Variants in POU6F2 observed in about 807,000 individuals in gnomAD.
POU6F2 encodes the protein POU domain, class 6, transcription factor 2.
Under a neutral mutation model 71.3 loss-of-function variants are expected in POU6F2, and 31 were observed. The observed-to-expected ratio is 0.43, with a 90% CI of 0.33 to 0.59. The LOEUF (loss-of-function observed/expected upper bound fraction) is 0.59, where lower values mean the gene tolerates loss of function less well. Ranked by LOEUF, POU6F2 falls within the 20% of genes least tolerant of loss-of-function variation. The probability of loss-of-function intolerance (pLI) is 0.04; values close to 1 mark genes in which losing one functional copy is unlikely to be tolerated. For missense variants in POU6F2, 783 were observed against 856.8 expected (o/e 0.91, Z 1.07); for synonymous variants, 347 against 355.7 (o/e 0.98, Z 0.27).
intron 4 of POU6F2, among the ~76,000 whole-genome samples, chr7:39,234,548 A>T (rs947758446): frequency 3.3e-5 from 5 of 151,966 alleles, no homozygotes; most frequent in African/African-American, 1.2e-4. Context: ...TATCTCTGGG[A>T]AGGAGACAAA....
rs531655422 is a variant in POU6F2 at position 39,278,278 on chromosome 7, G to A, written c.599-61364G>A. Among the ~76,000 whole-genome samples, 3 of 152,086 alleles carry A rather than the reference G, an allele frequency of 2.0e-5. No individual in the cohort carries two copies. In the East Asian group the frequency reaches 5.8e-4, roughly 29 times the overall value. On this transcript the variant is annotated intron_variant, in intron 4 of 9. Coordinates refer to ENST00000518318, the MANE Select transcript of POU6F2 (RefSeq NM_001370959.1). ...TTGGCATCACTGTGATCAGAAACTG[G>A]AAGTAAGCTCTTTCCATAGATCCAG...
chr7:39,046,392 G>A (rs1256835980), intron 1 of POU6F2, among the ~76,000 whole-genome samples: 1 of 151,898 alleles, frequency 6.6e-6, no homozygotes, highest in Non-Finnish European at 1.5e-5. Flanking sequence ...CCCCCAGTCT[G>A]TGGCTTGTCT....
Position 39,426,422 on chromosome 7 carries a change from G to A in POU6F2, c.1114-6655G>A, listed in dbSNP as rs140431836. Among the ~76,000 whole-genome samples, 362 of 152,276 alleles carry A rather than the reference G, an allele frequency of 2.4e-3. 4 individuals carry two copies. Among genetic ancestry groups the A allele is most frequent in the African/African-American group, 7.9e-3 (327 of 41,544 alleles). ...TGTCCCAGTGGCCATTCCCCAAGGG[G>A]TCCTCTGGGACAGGATTTTAAATCA... On this transcript the variant is annotated intron_variant, in intron 6 of 9. Transcript: ENST00000518318.
At chr7:39,134,693 T>C (rs560636808) in intron 2 of POU6F2, among the ~76,000 whole-genome samples, 1 of 152,294 alleles carries the variant, frequency 6.6e-6, no homozygotes, top group South Asian at 2.1e-4. Context: ...CCAATCTGTG[T>C]GCAAGCTCCA....
chr7:39,407,960 G>C (rs1253158837), intron 6 of POU6F2, among the ~76,000 whole-genome samples: 1 of 152,204 alleles, frequency 6.6e-6, no homozygotes, highest in African/African-American at 2.4e-5. Context: ...TATGAACACT[G>C]TGCCCTCTAC....
intron 1 of POU6F2, among the ~76,000 whole-genome samples, chr7:39,026,768 T>C (rs560129050): frequency 8.5e-4 from 130 of 152,054 alleles, no homozygotes; most frequent in South Asian, 1.0e-3. Context: ...AAAAAAACCT[T>C]TGCATTATCA....
chr7:39,404,490 T>C (rs1361321279), intron 5 of POU6F2: 1 of 152,246 alleles, frequency 6.6e-6, no homozygotes, highest in Admixed American at 6.5e-5. Flanking sequence ...AATAATTGTC[T>C]ATCTTTTTCA....
chr7:39,282,982 G>A (rs933974924), intron 4 of POU6F2, among the ~76,000 whole-genome samples: 2 of 151,930 alleles, frequency 1.3e-5, no homozygotes, highest in African/African-American at 2.4e-5. Context: ...AGCTTTCATT[G>A]TAGAGATCTT....
chr7:39,275,043 C>T (rs1017738685), intron 4 of POU6F2, among the ~76,000 whole-genome samples: 2 of 151,340 alleles, frequency 1.3e-5, no homozygotes, highest in African/African-American at 2.4e-5. Flanking sequence ...GTTGGAAGTT[C>T]TGGCCAGGGC....
chr7:39,120,754 G>A (rs1223574145), intron 2 of POU6F2: 2 of 152,170 alleles, frequency 1.3e-5, no homozygotes, highest in East Asian at 3.8e-4. Flanking sequence ...TTGAGTAGTT[G>A]TGGCTGTAAT....
At chr7:39,361,735 A>T (rs1786393396) in intron 5 of POU6F2, among the ~76,000 whole-genome samples, 1 of 152,232 alleles carries the variant, frequency 6.6e-6, no homozygotes. Context: ...GCCAGGAAAC[A>T]ACATTAAAAG....
rs566511651 is a variant in POU6F2 at position 39,258,744 on chromosome 7, C to T, written c.598+51124C>T. On this transcript the variant is annotated intron_variant, in intron 4 of 9. Transcript: ENST00000518318. ...AAGAAGAAGAAGGTGGTAGGGGCAC[C>T]GCAGAATCTGTGATATTGTAAAGTG... 1.1e-4 allele frequency among the ~76,000 whole-genome samples: 16 copies of T among 151,436 alleles called. No individual in the cohort carries two copies. In the East Asian group the frequency reaches 2.9e-3, roughly 28 times the overall value.
At chr7:39,386,117 C>CAA (rs531818996) in intron 5 of POU6F2, among the ~76,000 whole-genome samples, 1,837 of 91,248 alleles carry the variant, frequency 0.02, 51 homozygotes, top group East Asian at 0.11. Context: ...GACTCCGTCT[C>CAA]AAAAAAAAAA....
intron 7 of POU6F2, among the ~76,000 whole-genome samples, chr7:39,446,006 G>A (rs1263443497): frequency 6.6e-6 from 1 of 152,200 alleles, no homozygotes; most frequent in Non-Finnish European, 1.5e-5. Context: ...GAAAGTCAGG[G>A]TAGAGCCCAG....
chr7:39,258,929 TCTC>T (rs1784080126), intron 4 of POU6F2, among the ~76,000 whole-genome samples: 1 of 152,174 alleles, frequency 6.6e-6, no homozygotes, highest in Non-Finnish European at 1.5e-5. Context: ...ATATTACACT[TCTC>T]CCAGTATAAC....
chr7:39,261,316 C>T (rs1784136276), intron 4 of POU6F2, among the ~76,000 whole-genome samples: 1 of 152,228 alleles, frequency 6.6e-6, no homozygotes, highest in Non-Finnish European at 1.5e-5. Context: ...CTTCCTCCAT[C>T]ACATCTTCTC....
At chr7:39,161,368 A>G (rs535027536) in intron 2 of POU6F2, among the ~76,000 whole-genome samples, 1 of 152,326 alleles carries the variant, frequency 6.6e-6, no homozygotes, top group East Asian at 1.9e-4. Context: ...CCTGAAGTAT[A>G]TTTCTTTGTT....
intron 2 of POU6F2, among the ~76,000 whole-genome samples, chr7:39,202,325 T>C (rs943156138): frequency 6.6e-6 from 1 of 152,194 alleles, no homozygotes; most frequent in Non-Finnish European, 1.5e-5. Flanking sequence ...GGTATAGAAA[T>C]TTTTTAGAAT....
At chr7:39,426,455 C>A (rs1212160655) in intron 6 of POU6F2, among the ~76,000 whole-genome samples, 1 of 152,146 alleles carries the variant, frequency 6.6e-6, no homozygotes, top group Non-Finnish European at 1.5e-5. Flanking sequence ...TCATTCAGAC[C>A]CATGATATTG....
Sources: allele counts gnomAD v4.1 joint callset (sites outside exome capture counted in the v4.1 genomes callset), GRCh38; gene constraint gnomAD v4.1.1; transcripts MANE v1.5; gene names NCBI Gene and HGNC (gene_info 2026-07-23, HGNC 2026-07-21).